Variants in NEXMIF observed in about 807,000 individuals in gnomAD.
NEXMIF encodes the protein neurite extension and migration factor, also known as XLMR protein related to neurite extension.
Under a neutral mutation model 62.1 loss-of-function variants are expected in NEXMIF, and 8 were observed. The ratio of observed to expected loss-of-function variants is 0.13; its 90% CI spans 0.08 to 0.23. The LOEUF (loss-of-function observed/expected upper bound fraction) is 0.23. Among genes scored for constraint, NEXMIF ranks in the 10% least tolerant of loss-of-function variants. The pLI, the probability that NEXMIF is intolerant of heterozygous loss-of-function variation, is 1.00. For missense variants in NEXMIF, 976 were observed against 1,113.3 expected, an observed-to-expected ratio of 0.88 and a Z score of 1.75; for synonymous variants, 404 against 416.6, an observed-to-expected ratio of 0.97 and a Z score of 0.37.
rs1401726320 is a variant in NEXMIF at position 74,871,619 on chromosome X, C to T, written c.-48+53264G>A. On this transcript the variant is annotated intron_variant, in intron 1 of 3. Transcript: ENST00000055682. ...CCCAGAGCAGCCATCTATAGACCTA[C>T]CCCCAGGAATGCATTCCTTCCTGAG... Among the ~76,000 whole-genome samples, 3 of 110,988 alleles carry T rather than the reference C, an allele frequency of 2.7e-5. No individual in the cohort carries two copies. The East Asian group carries it at 8.5e-4, about 32-fold the overall frequency.
At chrX:74,794,969 G>A (rs2147467186) in intron 1 of NEXMIF, among the ~76,000 whole-genome samples, 1 of 111,921 alleles carries the variant, frequency 8.9e-6, no homozygotes, top group South Asian at 3.8e-4. Flanking sequence ...GTAGACTGGA[G>A]CTGTTCCTAT....
intron 1 of NEXMIF, among the ~76,000 whole-genome samples, chrX:74,787,527 A>T (rs1417164030): frequency 9.0e-6 from 1 of 111,515 alleles, no homozygotes; most frequent in Non-Finnish European, 1.9e-5. Context: ...CCCTGACTCT[A>T]TTACAAACCA....
At chrX:74,857,111 G>A (rs1354888430) in intron 1 of NEXMIF, among the ~76,000 whole-genome samples, 1 of 112,120 alleles carries the variant, frequency 8.9e-6, no homozygotes, top group Non-Finnish European at 1.9e-5. Context: ...GCAACTCCTA[G>A]GTGAGTATGT....
chrX:74,891,576 G>A (rs1412497508), intron 1 of NEXMIF, among the ~76,000 whole-genome samples: 2 of 111,595 alleles, frequency 1.8e-5, no homozygotes, highest in African/African-American at 6.5e-5. Context: ...TGAGGGCCAG[G>A]ACATAATGTC....
At chrX:74,793,630 G>T (rs1368598684) in intron 1 of NEXMIF, among the ~76,000 whole-genome samples, 1 of 108,600 alleles carries the variant, frequency 9.2e-6, no homozygotes, top group Non-Finnish European at 1.9e-5. Context: ...ACGTAGATTT[G>T]GTCTTTTCAC....
At chrX:74,793,345 G>A (rs868388125) in intron 1 of NEXMIF, among the ~76,000 whole-genome samples, 2,213 of 108,807 alleles carry the variant, frequency 0.02, 29 homozygotes, top group Middle Eastern at 0.038. Context: ...CGAGAGATCC[G>A]CTGTTAGTCT....
chrX:74,831,655 C>A (rs1185751700), intron 1 of NEXMIF, among the ~76,000 whole-genome samples: 1 of 110,932 alleles, frequency 9.0e-6, no homozygotes, highest in East Asian at 2.8e-4. Context: ...AATAAACATA[C>A]GTGTGCATGT....
intron 1 of NEXMIF, among the ~76,000 whole-genome samples, chrX:74,923,850 A>T (rs1427986919): frequency 8.9e-6 from 1 of 112,819 alleles, no homozygotes; most frequent in Non-Finnish European, 1.9e-5. Flanking sequence ...ATCTAAATGT[A>T]GTGCTGTGCA....
At chrX:74,888,128 T>C (rs762884598) in intron 1 of NEXMIF, among the ~76,000 whole-genome samples, 1 of 105,628 alleles carries the variant, frequency 9.5e-6, no homozygotes, top group South Asian at 4.3e-4. Flanking sequence ...ATCACACACC[T>C]GGGACTGTTG....
chrX:74,866,886 T>C (rs2080581683), intron 1 of NEXMIF, among the ~76,000 whole-genome samples: 1 of 112,351 alleles, frequency 8.9e-6, no homozygotes, highest in South Asian at 3.7e-4. Context: ...CTTTATAAAC[T>C]ACCCAGTCTC....
At chrX:74,896,584 C>T (rs1195286235) in intron 1 of NEXMIF, among the ~76,000 whole-genome samples, 1 of 111,646 alleles carries the variant, frequency 9.0e-6, no homozygotes, top group Non-Finnish European at 1.9e-5. Flanking sequence ...CTTTTCTCTC[C>T]TGCTCAGTTT....
At chrX:74,786,708 C>G (rs1377117427) in intron 1 of NEXMIF, among the ~76,000 whole-genome samples, 1 of 111,704 alleles carries the variant, frequency 9.0e-6, no homozygotes, top group African/African-American at 3.3e-5. Flanking sequence ...CTAGCCTCCA[C>G]TTACAAACTC....
intron 1 of NEXMIF, among the ~76,000 whole-genome samples, chrX:74,884,759 T>C (rs762131321): frequency 2.7e-5 from 3 of 111,370 alleles, no homozygotes; most frequent in Non-Finnish European, 5.6e-5. Context: ...TTAACAAGGA[T>C]ATCCAGGAAT....
chrX:74,886,585 C>A (rs1429152524), intron 1 of NEXMIF, among the ~76,000 whole-genome samples: 1 of 111,217 alleles, frequency 9.0e-6, no homozygotes, highest in Non-Finnish European at 1.9e-5. Context: ...AGGAATCCAA[C>A]TTACAAGGGA....
At chrX:74,798,820 C>T (rs935950266) in intron 1 of NEXMIF, among the ~76,000 whole-genome samples, 1 of 108,002 alleles carries the variant, frequency 9.3e-6, no homozygotes, top group Non-Finnish European at 1.9e-5. Flanking sequence ...GAGAATAATA[C>T]AGAAAAGGAG....
chrX:74,798,738 T>A (rs1272141710), intron 1 of NEXMIF, among the ~76,000 whole-genome samples: 1 of 111,318 alleles, frequency 9.0e-6, no homozygotes, highest in African/African-American at 3.3e-5. Flanking sequence ...TATTAACATA[T>A]CCCTATTGAT....
chrX:74,884,117 G>C (rs2080679057), intron 1 of NEXMIF, among the ~76,000 whole-genome samples: 1 of 111,635 alleles, frequency 9.0e-6, no homozygotes, highest in South Asian at 3.8e-4. Flanking sequence ...GTAACCACCA[G>C]GCCTGCCCTA....
chrX:74,862,974 C>T (rs2080563315), intron 1 of NEXMIF, among the ~76,000 whole-genome samples: 1 of 110,517 alleles, frequency 9.0e-6, no homozygotes. Flanking sequence ...GGTTTGAGAC[C>T]AGCCTGGCTA....
intron 1 of NEXMIF, among the ~76,000 whole-genome samples, chrX:74,780,535 AT>A (rs373988039): frequency 0.014 from 1,420 of 100,622 alleles, 24 homozygotes; most frequent in African/African-American, 0.043. Flanking sequence ...TGCCTGGCTA[AT>A]TTTTTTTTTT....
Sources: gnomAD v4.1 joint callset for allele counts (sites outside exome capture counted in the v4.1 genomes callset) on GRCh38, gnomAD v4.1.1 for gene constraint, MANE v1.5 for transcripts, NCBI Gene and HGNC (gene_info 2026-07-23, HGNC 2026-07-21) for gene names.